DNAH8: variants seen among roughly 807,000 people sequenced by gnomAD.
DNAH8 encodes axonemal beta dynein heavy chain 8.
A neutral mutation model predicts 562.1 loss-of-function variants in DNAH8; 382 were observed. The ratio of observed to expected loss-of-function variants is 0.68; its 90% CI spans 0.63 to 0.74. DNAH8 has a LOEUF of 0.74. Among genes scored for constraint, DNAH8 ranks in the 30% least tolerant of loss-of-function variants. DNAH8 has a pLI of 0.00. For missense variants in DNAH8, 5,203 were observed against 5,620.4 expected (o/e 0.93, Z 2.37); for synonymous variants, 1,881 against 1,919.4 (o/e 0.98, Z 0.52).
At chr6:38,864,091 T>C in intron 45 of DNAH8, 31 bp downstream of exon 45, 1 of 1,580,838 alleles carries the variant, frequency 6.3e-7, no homozygotes, top group Non-Finnish European at 8.6e-7. Context: ...TGCAATTTAA[T>C]TAGTTTAATT....
intron 12 of DNAH8, among the ~76,000 whole-genome samples, chr6:38,772,662 T>C (rs1582963281): frequency 6.6e-6 from 1 of 152,296 alleles, no homozygotes; most frequent in African/African-American, 2.4e-5. Flanking sequence ...TCTTTTCACT[T>C]TCTTGATGGT....
chr6:38,778,260 T>C lies in DNAH8; in HGVS notation c.1963-128T>C, dbSNP rs140728381. On this transcript the variant is annotated intron_variant, in intron 13 of 92. Transcript: ENST00000327475. ...TCATACTGGACGATGCAGTTCTTGA[T>C]GCTTAGATGGTAGATGTGTTTGAGG... is the stretch of plus-strand genomic sequence containing the variant. The C allele has an allele frequency of 7.8e-4, 430 of 549,744 alleles. 1 individual carries two copies. Among genetic ancestry groups the C allele is most frequent in the African/African-American group, 6.8e-3 (352 of 51,842 alleles). The allele number at this position is 549,744 out of a possible 1,614,324, so 34.1% of individuals were successfully genotyped here.
intron 62 of DNAH8, among the ~76,000 whole-genome samples, chr6:38,901,171 A>G (rs1385004824): frequency 6.6e-6 from 1 of 151,746 alleles, no homozygotes; most frequent in Non-Finnish European, 1.5e-5. Context: ...TTGCCTTTTC[A>G]TTCTCTTAGC....
chr6:38,722,832 G>C lies in DNAH8; in HGVS notation c.23G>C (p.Gly8Ala). Residue 8 changes from glycine to alanine, a missense_variant, in exon 2 of 93, where the codon GGC (glycine) becomes GCC (alanine). By Grantham distance (60) the Gly-to-Ala change is moderately conservative. Transcript: ENST00000327475. MEKDAED[G>A]APSEGAEAPP... ...GGGATGGAGAAGGATGCTGAAGATG[G>C]CGCCCCTTCTGAGGGAGCAGAGGCT... 6.3e-7 allele frequency: 1 copy of C among 1,597,298 alleles called. No homozygotes were observed. Among genetic ancestry groups the C allele is most frequent in the Non-Finnish European group, 8.5e-7 (1 of 1,172,464 alleles).
In DNAH8 at chr6:39,008,317, A is replaced by G. The variant is rs376379602; in HGVS notation, c.13215-497A>G. Reference sequence around the variant, plus strand: ...TGGGCGTCAATAGATTTCCCTGGAAATCATAAAACTAGTGGAAAAATGAGA... The same window carrying G: ...TGGGCGTCAATAGATTTCCCTGGAAGTCATAAAACTAGTGGAAAAATGAGA... On this transcript the variant is annotated intron_variant, in intron 88 of 92. Coordinates refer to ENST00000327475, the MANE Select transcript of DNAH8 (RefSeq NM_001206927.2). Among the ~76,000 whole-genome samples the G allele has an allele frequency of 7.9e-5, 12 of 152,182 alleles. No individual in the cohort carries two copies. In the East Asian group the frequency reaches 2.1e-3, roughly 27 times the overall value.
In DNAH8 at chr6:38,853,175, TTTTG is replaced by T; in HGVS notation, c.5572-7_5572-4del. ...TTATCAATTTATAATATCCTTGTAATTTTGTTTTAGTTGGATAATTCTGTTATGG... is the reference window on the plus strand; with the variant it reads ...TTATCAATTTATAATATCCTTGTAATTTTTAGTTGGATAATTCTGTTATGG... On this transcript the variant is annotated splice_polypyrimidine_tract_variant and splice_region_variant and intron_variant, in intron 40 of 92. Coordinates refer to ENST00000327475, the MANE Select transcript of DNAH8 (RefSeq NM_001206927.2). 6.3e-7 allele frequency: 1 copy of T among 1,587,310 alleles called. No homozygotes were observed. Among genetic ancestry groups the T allele is most frequent in the Non-Finnish European group, 8.5e-7 (1 of 1,169,816 alleles).
chr6:38,813,685 T>C (rs1678688), intron 24 of DNAH8, among the ~76,000 whole-genome samples: 45,467 of 151,888 alleles, frequency 0.3, 7,093 homozygotes, highest in East Asian at 0.42. Context: ...AAACTTCCTG[T>C]TTAATCTTGT....
In DNAH8 at chr6:38,875,700, C is replaced by A; in HGVS notation, c.7730C>A (p.Ala2577Asp). The A allele has an allele frequency of 6.2e-7, 1 of 1,613,762 alleles. No individual in the cohort carries two copies. Among genetic ancestry groups the A allele is most frequent in the Non-Finnish European group, 8.5e-7 (1 of 1,179,832 alleles). Residue 2577 changes from alanine (A) to aspartate (D), a missense_variant, in exon 53 of 93, where the codon GCC (alanine) becomes GAC (aspartate). By Grantham distance (126) the Ala-to-Asp change is moderately radical. Coordinates refer to ENST00000327475, the MANE Select transcript of DNAH8 (RefSeq NM_001206927.2). ...FVFGLMWSLG[A>D]LLELESREKL... ...TTTGGCCTAATGTGGAGTTTAGGAGCCCTTCTGGAATTAGAAAGCAGAGAA... is the reference window on the plus strand; with the variant it reads ...TTTGGCCTAATGTGGAGTTTAGGAGACCTTCTGGAATTAGAAAGCAGAGAA...
rs765369792 is a variant in DNAH8 at position 38,786,849 on chromosome 6, G to A, written c.2480G>A (p.Arg827Gln). Residue 827 changes from arginine (R) to glutamine (Q), a missense_variant, in exon 18 of 93, where the codon CGG (arginine) becomes CAG (glutamine). Arg to Gln is a conservative substitution (Grantham distance 43). Coordinates refer to ENST00000327475, the MANE Select transcript of DNAH8 (RefSeq NM_001206927.2). ...GATCCCAAAATTTTGGAAGTTGTTCGGGAAACTAAGTGTATGATAAAAATG... is the reference window on the plus strand; with the variant it reads ...GATCCCAAAATTTTGGAAGTTGTTCAGGAAACTAAGTGTATGATAAAAATG... The part of the protein sequence containing the change: ...NFDPKILEVV[R>Q]ETKCMIKMKL... 20 of 1,613,088 alleles carry A rather than the reference G, an allele frequency of 1.2e-5. No homozygotes were observed. The Admixed American group carries it at 1.7e-4, about 13-fold the overall frequency.
rs1783623334 is a variant in DNAH8 at position 38,943,587 on chromosome 6, A to G, written c.12008-1880A>G. On this transcript the variant is annotated intron_variant, in intron 79 of 92. Coordinates refer to ENST00000327475, the MANE Select transcript of DNAH8 (RefSeq NM_001206927.2). ...ATGTCAGAACACTTTGAAAAATGAA[A>G]TGGATACCAGGCGCAATCCTGCATT... Among the ~76,000 whole-genome samples, 6 of 152,204 alleles carry G rather than the reference A, an allele frequency of 3.9e-5. No individual in the cohort carries two copies. The South Asian group carries it at 1.2e-3, about 32-fold the overall frequency.
At chr6:38,777,073 A>G (rs1270807931) in intron 13 of DNAH8, among the ~76,000 whole-genome samples, 2 of 152,210 alleles carry the variant, frequency 1.3e-5, no homozygotes, top group Non-Finnish European at 2.9e-5. Flanking sequence ...GAAAGATCCT[A>G]AAATTCTACC....
At position 38,718,590 on chromosome 6, in the gene DNAH8, T is replaced by C. The variant is rs559401016; in HGVS notation, c.-35+3175T>C. ...ATTTATTTTGGGAATCTTAGCTATA[T>C]GATCTATTTTAACAAAATTTAAACT... On this transcript the variant is annotated intron_variant, in intron 1 of 92. Coordinates refer to ENST00000327475, the MANE Select transcript of DNAH8 (RefSeq NM_001206927.2). 2.0e-4 allele frequency among the ~76,000 whole-genome samples: 31 copies of C among 152,322 alleles called. No homozygotes were observed. The South Asian group carries it at 6.2e-3, about 31-fold the overall frequency.
At chr6:38,725,347 T>C (rs1160860578) in intron 3 of DNAH8, among the ~76,000 whole-genome samples, 1 of 83,206 alleles carries the variant, frequency 1.2e-5, no homozygotes, top group Non-Finnish European at 2.6e-5. Context: ...AAAGAGCTAC[T>C]CCCTTGCTTG....
At chr6:38,741,937 GA>G in intron 8 of DNAH8, 50 bp downstream of exon 8, 1 of 1,504,090 alleles carries the variant, frequency 6.6e-7, no homozygotes, top group Middle Eastern at 1.8e-4. Flanking sequence ...CAAGCAACTA[GA>G]AAATTATCCT....
At chr6:38,747,885 TATC>T (rs1382699875) in intron 8 of DNAH8, among the ~76,000 whole-genome samples, 7 of 152,252 alleles carry the variant, frequency 4.6e-5, no homozygotes, top group African/African-American at 1.2e-4. Context: ...AATGGAGTCA[TATC>T]ATATATTCTG....
At chr6:39,006,683 C>A (rs1418745343) in intron 88 of DNAH8, among the ~76,000 whole-genome samples, 1 of 152,196 alleles carries the variant, frequency 6.6e-6, no homozygotes, top group Non-Finnish European at 1.5e-5. Context: ...AAAATAAATT[C>A]TTGGCTTGAG....
intron 26 of DNAH8, among the ~76,000 whole-genome samples, chr6:38,818,542 A>AAAAAAAAAAAAAAAAAAAAAAAAAG: frequency 6.7e-6 from 1 of 149,664 alleles, no homozygotes; most frequent in Non-Finnish European, 1.5e-5. Context: ...AAAAGCAAAA[A>AAAAAAAAAAAAAAAAAAAAAAAAAG]AAAAAAAAAA....
chr6:38,736,800 C>G (rs1282598291), intron 5 of DNAH8, among the ~76,000 whole-genome samples: 3 of 152,030 alleles, frequency 2.0e-5, no homozygotes, highest in African/African-American at 7.3e-5. Context: ...CTTGAATAGG[C>G]TCCAGGCTAT....
chr6:38,756,983 G>A (rs1358245437), intron 10 of DNAH8, among the ~76,000 whole-genome samples: 3 of 151,998 alleles, frequency 2.0e-5, no homozygotes, highest in Admixed American at 6.6e-5. Context: ...ATAAACATAC[G>A]TGTGCATGTG....
Sources: allele counts gnomAD v4.1 joint callset (sites outside exome capture counted in the v4.1 genomes callset), GRCh38; gene constraint gnomAD v4.1.1; transcripts MANE v1.5; gene names NCBI Gene and HGNC (gene_info 2026-07-23, HGNC 2026-07-21).